Variants in HFM1 observed in about 807,000 individuals in gnomAD.
The protein encoded by HFM1 is helicase for meiosis 1.
In HFM1, 169 loss-of-function variants were observed where a neutral mutation model predicts 192.1. That is an observed-to-expected ratio of 0.88 (90% CI 0.78 to 1.00). The LOEUF (loss-of-function observed/expected upper bound fraction) is 1.00, where lower values mean the gene tolerates loss of function less well. Among genes scored for constraint, HFM1 ranks in the 50% least tolerant of loss-of-function variants. The pLI is 0.00. For missense variants in HFM1, 1,661 were observed against 1,668.0 expected (o/e 1.00, Z 0.07); for synonymous variants, 525 against 537.8 (o/e 0.98, Z 0.33).
intron 13 of HFM1, among the ~76,000 whole-genome samples, chr1:91,363,058 G>A (rs1199654417): frequency 5.9e-5 from 9 of 152,028 alleles, no homozygotes; most frequent in East Asian, 3.9e-4. Flanking sequence ...ATGTAAAACC[G>A]AAAACTATAA....
intron 20 of HFM1, among the ~76,000 whole-genome samples, chr1:91,326,055 CAT>C (rs1652848946): frequency 6.6e-6 from 1 of 151,640 alleles, no homozygotes; most frequent in Non-Finnish European, 1.5e-5. Context: ...TTTGAAAATA[CAT>C]AGTCAGAGGA....
chr1:91,268,160 T>C (rs1243448540), intron 34 of HFM1, among the ~76,000 whole-genome samples: 1 of 152,028 alleles, frequency 6.6e-6, no homozygotes, highest in Non-Finnish European at 1.5e-5. Context: ...CTATTAACTG[T>C]ATAAAGTTGC....
At chr1:91,379,516 G>A (rs967318525) in intron 8 of HFM1, among the ~76,000 whole-genome samples, 3 of 152,026 alleles carry the variant, frequency 2.0e-5, no homozygotes, top group Non-Finnish European at 4.4e-5. Context: ...CAAATTTGTC[G>A]TAAGTTTACA....
chr1:91,306,501 T>A (rs1238409836), intron 30 of HFM1, among the ~76,000 whole-genome samples: 1 of 152,194 alleles, frequency 6.6e-6, no homozygotes, highest in Admixed American at 6.5e-5. Context: ...ATTATATTGA[T>A]CTACTTTTGA....
intron 19 of HFM1, among the ~76,000 whole-genome samples, chr1:91,344,690 CCTT>C (rs1655880543): frequency 6.6e-6 from 1 of 150,524 alleles, no homozygotes. Context: ...TTTTACTAAA[CCTT>C]ATCTTTATTT....
chr1:91,277,908 A>T (rs375133291), intron 30 of HFM1, among the ~76,000 whole-genome samples: 7 of 22,040 alleles, frequency 3.2e-4, no homozygotes, highest in East Asian at 2.5e-3. Context: ...CTTATATATA[A>T]TATATACACT....
chr1:91,300,020 A>T (rs1459569573), intron 30 of HFM1, among the ~76,000 whole-genome samples: 5 of 152,194 alleles, frequency 3.3e-5, no homozygotes, highest in Admixed American at 3.3e-4. Context: ...AAGATAACAA[A>T]ATTGATAGAC....
At chr1:91,394,038 T>A in intron 4 of HFM1, 55 bp downstream of exon 4, 1 of 990,856 alleles carries the variant, frequency 1.0e-6, no homozygotes, top group Non-Finnish European at 1.5e-6. Flanking sequence ...CTTTTATATG[T>A]ACAAATATTC....
chr1:91,292,411 GACAA>G (rs1393442839), intron 30 of HFM1, among the ~76,000 whole-genome samples: 1 of 123,916 alleles, frequency 8.1e-6, no homozygotes, highest in African/African-American at 3.1e-5. Flanking sequence ...ACCAATAACA[GACAA>G]ACAGAGAGCC....
intron 17 of HFM1, 107 bp from the exon 18 acceptor site, chr1:91,350,978 G>T: frequency 1.2e-6 from 1 of 862,602 alleles, no homozygotes; most frequent in Non-Finnish European, 1.6e-6. Flanking sequence ...ACTAATTCAT[G>T]AAATATAACT....
At chr1:91,319,538 G>A (rs1651779470) in intron 23 of HFM1, 148 bp from the exon 24 acceptor site, 1 of 541,018 alleles carries the variant, frequency 1.8e-6, no homozygotes, top group South Asian at 3.0e-5. Flanking sequence ...AATTATTATT[G>A]CAGGTCAATA....
At chr1:91,378,608 G>T in intron 9 of HFM1, 128 bp from the exon 10 acceptor site, 1 of 485,360 alleles carries the variant, frequency 2.1e-6, no homozygotes, top group Non-Finnish European at 3.7e-6. Context: ...TCCCTTAAGA[G>T]TATTCTGAAA....
At chr1:91,328,363 T>A (rs1653250337) in intron 20 of HFM1, 1 of 1,557,152 alleles carries the variant, frequency 6.4e-7, no homozygotes, top group African/African-American at 1.4e-5. Context: ...AGGCCAGTCA[T>A]CCCTCCTCTG....
chr1:91,270,463 A>G (rs1410005027), intron 34 of HFM1, among the ~76,000 whole-genome samples: 1 of 152,080 alleles, frequency 6.6e-6, no homozygotes, highest in Non-Finnish European at 1.5e-5. Flanking sequence ...GGAGTTAGAA[A>G]GAAAGGTCTA....
At chr1:91,290,661 G>C (rs1469399198) in intron 30 of HFM1, among the ~76,000 whole-genome samples, 6 of 151,986 alleles carry the variant, frequency 3.9e-5, no homozygotes, top group Non-Finnish European at 7.4e-5. Flanking sequence ...AAGTCAACAA[G>C]GATACCCAGG....
intron 13 of HFM1, among the ~76,000 whole-genome samples, chr1:91,369,565 A>G (rs1157621880): frequency 2.6e-5 from 4 of 152,238 alleles, no homozygotes; most frequent in Admixed American, 6.5e-5. Flanking sequence ...GACACAATGT[A>G]ACAATCTCTG....
At chr1:91,391,976 G>A (rs1205925665) in intron 4 of HFM1, among the ~76,000 whole-genome samples, 1 of 152,186 alleles carries the variant, frequency 6.6e-6, no homozygotes, top group Non-Finnish European at 1.5e-5. Context: ...CATTTATGCA[G>A]CCAACAGACA....
In HFM1 at chr1:91,270,020, G is replaced by A. The variant is rs528390876; in HGVS notation, c.3773-2165C>T. ...TTTTTTGTTTTTTGTTTTTCTTATA[G>A]GTAAAGGATAACTATTGAAGATGTT... On this transcript the variant is annotated intron_variant, in intron 34 of 38. Transcript: ENST00000370425. Among the ~76,000 whole-genome samples the A allele has an allele frequency of 7.2e-5, 11 of 152,086 alleles. No homozygotes were observed. In the South Asian group the frequency reaches 2.3e-3, roughly 32 times the overall value.
intron 19 of HFM1, among the ~76,000 whole-genome samples, chr1:91,343,820 A>G (rs910852450): frequency 6.6e-6 from 1 of 152,202 alleles, no homozygotes; most frequent in African/African-American, 2.4e-5. Context: ...AAACATCACA[A>G]TAAGGTAGAC....
Sources: allele counts gnomAD v4.1 joint callset (sites outside exome capture counted in the v4.1 genomes callset), GRCh38; gene constraint gnomAD v4.1.1; transcripts MANE v1.5; gene names NCBI Gene and HGNC (gene_info 2026-07-23, HGNC 2026-07-21).